FOXP1: variants seen among roughly 807,000 people sequenced by gnomAD.
FOXP1 encodes the protein forkhead box protein P1.
In FOXP1, 15 loss-of-function variants were observed where a neutral mutation model predicts 98.2. That is an observed-to-expected ratio of 0.15 (90% CI 0.10 to 0.24). The LOEUF (loss-of-function observed/expected upper bound fraction) is 0.24, where lower values mean the gene tolerates loss of function less well. FOXP1 is among the 10% of genes least tolerant of loss of function. FOXP1 has a pLI of 1.00. For synonymous variants in FOXP1, 371 were observed against 314.5 expected, an observed-to-expected ratio of 1.18 and a Z score of -1.90; for missense variants, 633 against 848.5, an observed-to-expected ratio of 0.75 and a Z score of 3.15.
intron 11 of FOXP1, among the ~76,000 whole-genome samples, chr3:71,037,011 G>A (rs2047684562): frequency 6.6e-6 from 1 of 152,138 alleles, no homozygotes; most frequent in South Asian, 2.1e-4. Flanking sequence ...TTTGGATCTT[G>A]GATATGCCAC....
rs1397206286 is a variant in FOXP1, at chr3:70,976,979, T to C, written c.1492A>G (p.Met498Val). 1.2e-6 allele frequency: 2 copies of C among 1,614,184 alleles called. No homozygotes were observed. Among genetic ancestry groups the C allele is most frequent in the South Asian group, 1.1e-5 (1 of 91,084 alleles). Reference sequence around the variant, plus strand: ...GCGTTGCGTCGGAAGTAAGCAAACATTCGTGTGAACCAGTTATAGATCTCA... The same window carrying C: ...GCGTTGCGTCGGAAGTAAGCAAACACTCGTGTGAACCAGTTATAGATCTCA... ...LNEIYNWFTR[M>V]FAYFRRNAAT... Residue 498 changes from methionine (M) to valine (V), a missense_variant, in exon 17 of 21, where the codon ATG becomes GTG. This residue lies in a region of FOXP1 where 141 missense variants were observed against 199.5 expected (regional missense o/e 0.71). Transcript: ENST00000649528.
chr3:71,245,513 G>C (rs912915382), intron 5 of FOXP1: 1 of 152,036 alleles, frequency 6.6e-6, no homozygotes, highest in South Asian at 2.1e-4. Context: ...ATCATTAAAA[G>C]GGATGTGAAT....
At chr3:71,198,142 A>C in intron 6 of FOXP1, 60 bp downstream of exon 6, 1 of 1,613,720 alleles carries the variant, frequency 6.2e-7, no homozygotes, top group Non-Finnish European at 8.5e-7. Context: ...TTAAGTGTAA[A>C]ATTCAGCAGT....
At chr3:71,486,263 T>C (rs1260199394) in intron 3 of FOXP1, among the ~76,000 whole-genome samples, 4 of 152,234 alleles carry the variant, frequency 2.6e-5, no homozygotes, top group African/African-American at 7.2e-5. Context: ...AGCAAGGTGA[T>C]ACTTGAACCA....
chr3:70,979,622 C>T, intron 14 of FOXP1, among the ~76,000 whole-genome samples: 1 of 151,862 alleles, frequency 6.6e-6, no homozygotes, highest in Non-Finnish European at 1.5e-5. Context: ...TCTATTTCAC[C>T]AAGTCTAATT....
chr3:71,043,297 T>G (rs1404090307), intron 10 of FOXP1, among the ~76,000 whole-genome samples: 1 of 152,200 alleles, frequency 6.6e-6, no homozygotes, highest in Non-Finnish European at 1.5e-5. Context: ...TTGTCCCAAA[T>G]GAGCATTTAG....
intron 3 of FOXP1, among the ~76,000 whole-genome samples, chr3:71,425,335 C>T (rs2084055034): frequency 6.6e-6 from 1 of 152,040 alleles, no homozygotes; most frequent in South Asian, 2.1e-4. Context: ...TATGTTGGCC[C>T]AGCTGGTCTC....
intron 3 of FOXP1, among the ~76,000 whole-genome samples, chr3:71,482,630 C>T (rs994059678): frequency 6.6e-6 from 1 of 151,966 alleles, no homozygotes. Context: ...GAACTCCTGA[C>T]CTCAGGTGAT....
chr3:71,153,937 T>C (rs2060698428), intron 6 of FOXP1, among the ~76,000 whole-genome samples: 1 of 152,188 alleles, frequency 6.6e-6, no homozygotes, highest in African/African-American at 2.4e-5. Context: ...ATATGACACG[T>C]AGCATACTAG....
At chr3:70,969,980 C>A (rs2035858961) in intron 19 of FOXP1, 4 of 152,272 alleles carry the variant, frequency 2.6e-5, no homozygotes, top group Admixed American at 2.0e-4. Context: ...ACTGGAGTAG[C>A]CTTCATTTAA....
At position 71,581,658 on chromosome 3, in the gene FOXP1, G is replaced by T. The variant is rs752500453; in HGVS notation, c.-407C>A. On this transcript the variant is annotated 5_prime_UTR_variant, in exon 2 of 21. Coordinates refer to ENST00000649528, the MANE Select transcript of FOXP1 (RefSeq NM_001349338.3). Reference sequence around the variant, plus strand: ...GCCGCTGCCCCCGGCCCGCTCGCTCGCTCGCCGCGCGCTCTCTTCCTCTTA... The same window carrying T: ...GCCGCTGCCCCCGGCCCGCTCGCTCTCTCGCCGCGCGCTCTCTTCCTCTTA... 6.1e-6 allele frequency: 6 copies of T among 985,788 alleles called. No individual in the cohort carries two copies. In the Admixed American group the frequency reaches 2.5e-4, roughly 40 times the overall value. The allele number at this position is 985,788 out of a possible 1,614,324, so 61.1% of individuals were successfully genotyped here.
At chr3:71,012,845 C>A (rs931068480) in intron 12 of FOXP1, among the ~76,000 whole-genome samples, 6 of 152,146 alleles carry the variant, frequency 3.9e-5, no homozygotes, top group Non-Finnish European at 8.8e-5. Context: ...TGTAAACCAT[C>A]AAGCACCCAG....
At chr3:71,233,490 G>A (rs889616802) in intron 5 of FOXP1, among the ~76,000 whole-genome samples, 5 of 151,762 alleles carry the variant, frequency 3.3e-5, no homozygotes, top group Middle Eastern at 3.4e-3. Flanking sequence ...GCAATGGCGC[G>A]ATCTCAGCTC....
chr3:70,956,415 CTT>C lies in FOXP1; in HGVS notation c.*2830_*2831del, dbSNP rs112098084. On this transcript the variant is annotated 3_prime_UTR_variant, in exon 21 of 21. Transcript: ENST00000649528. ...CAAAGATATGTAAAATCTAATTTTT[CTT>C]TTTTTTTTTTTTTTGCTACAGTCTT... 0.018 allele frequency: 3,311 copies of C among 181,228 alleles called. 1 individual carries two copies. Among genetic ancestry groups the C allele is most frequent in the East Asian group, 0.036 (444 of 12,226 alleles). 11.2% of individuals were successfully genotyped at this position (181,228 alleles called of 1,614,324 possible).
chr3:71,516,661 C>G (rs917560478), intron 2 of FOXP1, among the ~76,000 whole-genome samples: 9 of 152,118 alleles, frequency 5.9e-5, no homozygotes, highest in African/African-American at 2.2e-4. Flanking sequence ...ACCTGGCCAA[C>G]ATGGTGAAAC....
intron 5 of FOXP1, among the ~76,000 whole-genome samples, chr3:71,232,922 G>A (rs1202894616): frequency 8.7e-6 from 1 of 114,380 alleles, no homozygotes; most frequent in Admixed American, 8.7e-5. Flanking sequence ...ACCAGGTGCA[G>A]TGGTTCTCTA....
rs559725028 is a variant in FOXP1, at chr3:71,282,268, G to A, written c.-12+17552C>T. Among the ~76,000 whole-genome samples, 3 of 152,078 alleles carry A rather than the reference G, an allele frequency of 2.0e-5. No individual in the cohort carries two copies. The East Asian group carries it at 5.8e-4, about 29-fold the overall frequency. The stretch of plus-strand genomic sequence containing the variant: ...TTCAAAAATCATTTCTTTTTACTTA[G>A]GATCTTAATTTTTTCTATTTTGGGC... On this transcript the variant is annotated intron_variant, in intron 5 of 20. Transcript: ENST00000649528.
intron 3 of FOXP1, among the ~76,000 whole-genome samples, chr3:71,444,542 A>T (rs1038073347): frequency 2.0e-5 from 3 of 152,106 alleles, no homozygotes; most frequent in African/African-American, 7.2e-5. Context: ...TTCAAGTCCA[A>T]ACAGGAAAGG....
chr3:71,057,839 C>CCAT (rs2050898256), intron 7 of FOXP1, among the ~76,000 whole-genome samples: 1 of 152,088 alleles, frequency 6.6e-6, no homozygotes, highest in South Asian at 2.1e-4. Context: ...TGTGCTTGGG[C>CCAT]CATCACAGCT....
Sources: allele counts gnomAD v4.1 joint callset (sites outside exome capture counted in the v4.1 genomes callset), GRCh38; gene constraint gnomAD v4.1.1; regional missense constraint gnomAD v4.1.1; transcripts MANE v1.5; gene names NCBI Gene and HGNC (gene_info 2026-07-23, HGNC 2026-07-21).